ZNF804A: variants seen among roughly 807,000 people sequenced by gnomAD.
The protein encoded by ZNF804A is zinc finger protein 804A.
Under a neutral mutation model 16.5 loss-of-function variants are expected in ZNF804A, and 2 were observed. That is an observed-to-expected ratio of 0.12 (90% CI 0.05 to 0.38). ZNF804A has a LOEUF of 0.38. ZNF804A is among the 10% of genes least tolerant of loss of function. ZNF804A has a pLI of 0.99. For synonymous variants in ZNF804A, 534 were observed against 489.6 expected, an observed-to-expected ratio of 1.09 and a Z score of -1.20; for missense variants, 1,473 against 1,390.7, an observed-to-expected ratio of 1.06 and a Z score of -0.94.
At chr2:184,750,271 T>A (rs1693859520) in intron 1 of ZNF804A, among the ~76,000 whole-genome samples, 1 of 151,344 alleles carries the variant, frequency 6.6e-6, no homozygotes, top group Non-Finnish European at 1.5e-5. Context: ...CATAACCAAG[T>A]TGCCAGACTC....
intron 1 of ZNF804A, among the ~76,000 whole-genome samples, chr2:184,703,574 C>T (rs1017350033): frequency 6.6e-6 from 1 of 150,648 alleles, no homozygotes; most frequent in African/African-American, 2.4e-5. Flanking sequence ...CCTGTAGTCT[C>T]AGCTACTGGG....
At chr2:184,631,677 A>G (rs1002736842) in intron 1 of ZNF804A, among the ~76,000 whole-genome samples, 1 of 152,188 alleles carries the variant, frequency 6.6e-6, no homozygotes. Context: ...TCAAAGATTA[A>G]TGAAATGAAA....
chr2:184,661,230 C>T (rs1692170980), intron 1 of ZNF804A, among the ~76,000 whole-genome samples: 1 of 152,048 alleles, frequency 6.6e-6, no homozygotes, highest in Non-Finnish European at 1.5e-5. Flanking sequence ...TTTTATCTTG[C>T]CACCCCACAG....
At chr2:184,686,241 C>T (rs1692628806) in intron 1 of ZNF804A, among the ~76,000 whole-genome samples, 1 of 152,190 alleles carries the variant, frequency 6.6e-6, no homozygotes, top group African/African-American at 2.4e-5. Context: ...GCCTGGGGCT[C>T]CTGCCCCACC....
intron 1 of ZNF804A, among the ~76,000 whole-genome samples, chr2:184,661,330 A>G (rs1692172852): frequency 6.6e-6 from 1 of 152,132 alleles, no homozygotes; most frequent in African/African-American, 2.4e-5. Flanking sequence ...CACTCGCACC[A>G]ACCACAGCTC....
intron 2 of ZNF804A, among the ~76,000 whole-genome samples, chr2:184,883,872 T>A (rs1249434066): frequency 6.6e-6 from 1 of 152,098 alleles, no homozygotes; most frequent in Non-Finnish European, 1.5e-5. Context: ...GCTGGAAACA[T>A]TCCCATTGAA....
At position 184,765,614 on chromosome 2, in the gene ZNF804A, C is replaced by A. The variant is rs10172501; in HGVS notation, c.112-100755C>A. 2.8e-5 allele frequency among the ~76,000 whole-genome samples: 4 copies of A among 141,662 alleles called. No homozygotes were observed. In the South Asian group the frequency reaches 7.0e-4, roughly 25 times the overall value. The allele number at this position is 141,662 out of a possible 152,430, so 92.9% of individuals were successfully genotyped here. A position where few individuals can be genotyped will look rare whatever the true frequency, so the allele number is the denominator to read the frequency against. On this transcript the variant is annotated intron_variant, in intron 1 of 3. Coordinates refer to ENST00000302277, the MANE Select transcript of ZNF804A (RefSeq NM_194250.2). ...CTACCCCCTCACATGCACCCCCCCC[C>A]CTTAGAGTCGTGAGCCCTTAAAAGG... is the stretch of plus-strand genomic sequence containing the variant.
At chr2:184,874,961 A>T (rs1482457178) in intron 2 of ZNF804A, among the ~76,000 whole-genome samples, 1 of 152,206 alleles carries the variant, frequency 6.6e-6, no homozygotes, top group African/African-American at 2.4e-5. Context: ...AGCTTTACAT[A>T]ACAGGAAATA....
Position 184,866,394 on chromosome 2 carries a change from TAGCAAAAGC to T in ZNF804A, c.138_146del (p.Ala47_Ala49del). ...GACTATGCTGAGAAGGAAAATACCA[TAGCAAAAGC>T]TCTGGAAGATCTGAAGGCAAATTTT... On this transcript the variant is annotated inframe_deletion, in exon 2 of 4. Coordinates refer to ENST00000302277, the MANE Select transcript of ZNF804A (RefSeq NM_194250.2). 1.2e-6 allele frequency: 2 copies of T among 1,613,204 alleles called. No individual in the cohort carries two copies. The highest frequency in any genetic ancestry group is 1.7e-6 in the Non-Finnish European group (2 of 1,179,514).
At position 184,685,729 on chromosome 2, in the gene ZNF804A, T is replaced by A. The variant is rs537587506; in HGVS notation, c.111+86659T>A. ...CAGGAAAAAGCACTACATGTTTTCA[T>A]TCCAGGCCATGGACTCTACCTGGAA... On this transcript the variant is annotated intron_variant, in intron 1 of 3. Coordinates refer to ENST00000302277, the MANE Select transcript of ZNF804A (RefSeq NM_194250.2). 2.6e-5 allele frequency among the ~76,000 whole-genome samples: 4 copies of A among 152,262 alleles called. No homozygotes were observed. In the East Asian group the frequency reaches 7.7e-4, roughly 29 times the overall value.
intron 1 of ZNF804A, among the ~76,000 whole-genome samples, chr2:184,717,057 C>T: frequency 6.6e-6 from 1 of 152,106 alleles, no homozygotes; most frequent in East Asian, 1.9e-4. Flanking sequence ...ACAGGCATCC[C>T]ATCCTGGCAG....
chr2:184,662,716 T>G (rs1692193867), intron 1 of ZNF804A, among the ~76,000 whole-genome samples: 2 of 152,204 alleles, frequency 1.3e-5, no homozygotes, highest in African/African-American at 2.4e-5. Context: ...TAAAAATTAT[T>G]CTAAAATTGT....
At chr2:184,696,633 A>T (rs1574167427) in intron 1 of ZNF804A, among the ~76,000 whole-genome samples, 1 of 152,170 alleles carries the variant, frequency 6.6e-6, no homozygotes, top group East Asian at 1.9e-4. Flanking sequence ...CAAAGCAAGC[A>T]ACCAATCTTT....
chr2:184,858,576 C>T (rs911369404), intron 1 of ZNF804A, among the ~76,000 whole-genome samples: 1 of 151,014 alleles, frequency 6.6e-6, no homozygotes, highest in African/African-American at 2.4e-5. Flanking sequence ...CATTCCACTC[C>T]ATCTTGACAT....
chr2:184,703,689 C>CAAAAAAAAAAAA (rs10593157), intron 1 of ZNF804A, among the ~76,000 whole-genome samples: 2 of 56,436 alleles, frequency 3.5e-5, no homozygotes, highest in South Asian at 6.2e-4. Context: ...GACTCCGGTT[C>CAAAAAAAAAAAA]AAAAAAAAAA....
intron 1 of ZNF804A, among the ~76,000 whole-genome samples, chr2:184,621,190 AT>A: frequency 6.6e-6 from 1 of 151,888 alleles, no homozygotes; most frequent in East Asian, 1.9e-4. Context: ...ATTTAGAAAA[AT>A]AACTTTCCAG....
intron 1 of ZNF804A, among the ~76,000 whole-genome samples, chr2:184,671,389 T>C (rs1480983777): frequency 6.6e-6 from 1 of 152,228 alleles, no homozygotes; most frequent in Admixed American, 6.5e-5. Flanking sequence ...AGAGAGAGGC[T>C]GAATTATTTA....
rs181251791 is a variant in ZNF804A at position 184,603,550 on chromosome 2, A to G, written c.111+4480A>G. 1.7e-3 allele frequency among the ~76,000 whole-genome samples: 256 copies of G among 152,296 alleles called. 1 individual carries two copies. Among genetic ancestry groups the G allele is most frequent in the African/African-American group, 5.9e-3 (244 of 41,560 alleles). ...CTAAATCTCTTGGAGAATGTAATTTAAAAGGCTTCTCTTCTCATCGAAACC... is the reference window on the plus strand; with the variant it reads ...CTAAATCTCTTGGAGAATGTAATTTGAAAGGCTTCTCTTCTCATCGAAACC... On this transcript the variant is annotated intron_variant, in intron 1 of 3. Transcript: ENST00000302277.
intron 1 of ZNF804A, among the ~76,000 whole-genome samples, chr2:184,703,382 G>T (rs1692959363): frequency 6.6e-6 from 1 of 152,096 alleles, no homozygotes; most frequent in Non-Finnish European, 1.5e-5. Context: ...ATATACTCTA[G>T]TTATAGTTAA....
Sources: gnomAD v4.1 joint callset for allele counts (sites outside exome capture counted in the v4.1 genomes callset) on GRCh38, gnomAD v4.1.1 for gene constraint, MANE v1.5 for transcripts, NCBI Gene and HGNC (gene_info 2026-07-23, HGNC 2026-07-21) for gene names.